ANOS1: variants seen among roughly 807,000 people sequenced by gnomAD.
ANOS1 encodes anosmin 1.
A neutral mutation model predicts 59.0 loss-of-function variants in ANOS1; 6 were observed. The ratio of observed to expected loss-of-function variants is 0.10; its 90% CI spans 0.06 to 0.20. ANOS1 has a LOEUF of 0.20. Among genes scored for constraint, ANOS1 ranks in the 10% least tolerant of loss-of-function variants. The probability of loss-of-function intolerance (pLI) is 1.00; values close to 1 mark genes in which losing one functional copy is unlikely to be tolerated. For missense variants in ANOS1, 433 were observed against 542.3 expected (o/e 0.80, Z 2.00); for synonymous variants, 217 against 223.4 (o/e 0.97, Z 0.25).
intron 1 of ANOS1, among the ~76,000 whole-genome samples, chrX:8,704,204 T>C (rs6530194): frequency 0.31 from 34,493 of 110,822 alleles, 4,386 homozygotes; most frequent in East Asian, 0.62. Flanking sequence ...GTCCATTAAA[T>C]CTCTTTTTCT....
At chrX:8,731,455 C>G (rs1389995028) in intron 1 of ANOS1, among the ~76,000 whole-genome samples, 2 of 111,798 alleles carry the variant, frequency 1.8e-5, no homozygotes, top group Non-Finnish European at 3.8e-5. Flanking sequence ...TGCCCCGGAG[C>G]GCCTGGGACT....
intron 2 of ANOS1, among the ~76,000 whole-genome samples, chrX:8,637,652 A>G (rs1401268677): frequency 1.8e-5 from 2 of 111,950 alleles, no homozygotes; most frequent in Non-Finnish European, 3.8e-5. Context: ...ATTTAAATCT[A>G]TAAAGCTATA....
At chrX:8,697,535 A>G (rs1185248558) in intron 2 of ANOS1, among the ~76,000 whole-genome samples, 1 of 111,645 alleles carries the variant, frequency 9.0e-6, no homozygotes, top group Non-Finnish European at 1.9e-5. Context: ...AGGTGGGAAG[A>G]GTGGTTAGAT....
intron 2 of ANOS1, among the ~76,000 whole-genome samples, chrX:8,658,227 C>T (rs779442995): frequency 9.0e-6 from 1 of 111,415 alleles, no homozygotes; most frequent in Non-Finnish European, 1.9e-5. Flanking sequence ...TCAGATATGC[C>T]CTGGTGCCTC....
At chrX:8,541,416 C>A (rs773126846) in intron 9 of ANOS1, among the ~76,000 whole-genome samples, 4 of 101,509 alleles carry the variant, frequency 3.9e-5, no homozygotes, top group Non-Finnish European at 6.0e-5. Context: ...ACCACCCCCC[C>A]CCCAAAAACA....
intron 1 of ANOS1, among the ~76,000 whole-genome samples, chrX:8,704,714 T>C (rs1932772202): frequency 8.9e-6 from 1 of 112,248 alleles, no homozygotes; most frequent in Non-Finnish European, 1.9e-5. Flanking sequence ...CATAGGCTGC[T>C]TGGGATGATT....
At chrX:8,550,546 T>C (rs1013763634) in intron 9 of ANOS1, among the ~76,000 whole-genome samples, 3 of 111,422 alleles carry the variant, frequency 2.7e-5, no homozygotes, top group Non-Finnish European at 3.8e-5. Context: ...GACAATTTGA[T>C]AAAGAAATAA....
At chrX:8,631,488 T>A (rs982842155) in intron 2 of ANOS1, among the ~76,000 whole-genome samples, 1 of 111,847 alleles carries the variant, frequency 8.9e-6, no homozygotes, top group Non-Finnish European at 1.9e-5. Flanking sequence ...ATTTTAGGAG[T>A]TGGGCTATGC....
At chrX:8,659,630 C>CTTCT (rs1555899874) in intron 2 of ANOS1, among the ~76,000 whole-genome samples, 4,312 of 45,096 alleles carry the variant, frequency 0.096, 202 homozygotes, top group East Asian at 0.22. Context: ...TCCTTCCTTC[C>CTTCT]TTCTTTCTTT....
intron 6 of ANOS1, among the ~76,000 whole-genome samples, chrX:8,577,976 T>A (rs1318418977): frequency 8.9e-6 from 1 of 111,806 alleles, no homozygotes; most frequent in Non-Finnish European, 1.9e-5. Flanking sequence ...CATGAGGCCA[T>A]AAAGAGAGCA....
chrX:8,602,342 T>C (rs773861827), intron 3 of ANOS1, among the ~76,000 whole-genome samples: 3 of 111,770 alleles, frequency 2.7e-5, no homozygotes, highest in Non-Finnish European at 5.6e-5. Flanking sequence ...ATTAATACTC[T>C]AGATATAAAC....
At chrX:8,729,549 A>C (rs1488277703) in intron 1 of ANOS1, among the ~76,000 whole-genome samples, 1 of 103,127 alleles carries the variant, frequency 9.7e-6, no homozygotes, top group Non-Finnish European at 2.0e-5. Context: ...AGCATGCACC[A>C]CTACACCAGG....
intron 2 of ANOS1, among the ~76,000 whole-genome samples, chrX:8,667,198 G>A (rs751307355): frequency 9.9e-5 from 11 of 111,639 alleles, no homozygotes; most frequent in Non-Finnish European, 2.1e-4. Flanking sequence ...AAAAAGTGGA[G>A]GAATTGAGTT....
At chrX:8,573,198 G>A (rs769649245) in intron 6 of ANOS1, among the ~76,000 whole-genome samples, 1 of 109,548 alleles carries the variant, frequency 9.1e-6, no homozygotes, top group Admixed American at 9.8e-5. Flanking sequence ...CAAGTAGCTG[G>A]CATTACAGGC....
In ANOS1 at chrX:8,532,719, G is replaced by A. The variant is rs1188114011; in HGVS notation, c.*276C>T. 7.6e-6 allele frequency: 2 copies of A among 264,151 alleles called. No individual in the cohort carries two copies. The highest frequency in any genetic ancestry group is 6.0e-5 in the East Asian group (1 of 16,594). The allele number at this position is 264,151 out of a possible 1,213,427, so 21.8% of individuals were successfully genotyped here. On this transcript the variant is annotated 3_prime_UTR_variant, in exon 14 of 14. Transcript: ENST00000262648. The stretch of plus-strand genomic sequence containing the variant: ...CTGTTGTAATTCAATAGAAATGAGC[G>A]ACACCATACATGAAAACAAAATTTA...
chrX:8,674,840 C>A (rs751541162), intron 2 of ANOS1, among the ~76,000 whole-genome samples: 39 of 111,787 alleles, frequency 3.5e-4, no homozygotes, highest in Non-Finnish European at 5.3e-4. Flanking sequence ...CTGACTCACC[C>A]CTAAAATGTG....
At chrX:8,711,620 C>G (rs1395991105) in intron 1 of ANOS1, among the ~76,000 whole-genome samples, 1 of 112,746 alleles carries the variant, frequency 8.9e-6, no homozygotes, top group African/African-American at 3.2e-5. Flanking sequence ...AGTGATATGA[C>G]CACTTTGCAC....
At chrX:8,542,459 C>T (rs1929705456) in intron 9 of ANOS1, among the ~76,000 whole-genome samples, 1 of 109,502 alleles carries the variant, frequency 9.1e-6, no homozygotes, top group Admixed American at 9.7e-5. Flanking sequence ...TCAGCCAATG[C>T]AATAGGTTTG....
chrX:8,552,911 G>C (rs1041464415), intron 9 of ANOS1, among the ~76,000 whole-genome samples: 2 of 108,710 alleles, frequency 1.8e-5, no homozygotes, highest in Non-Finnish European at 3.8e-5. Context: ...AATAAAATAT[G>C]TTAATATTAA....
Sources: allele counts gnomAD v4.1 joint callset (sites outside exome capture counted in the v4.1 genomes callset), GRCh38; gene constraint gnomAD v4.1.1; transcripts MANE v1.5; gene names NCBI Gene and HGNC (gene_info 2026-07-23, HGNC 2026-07-21).